Variants in RASAL2 observed in about 807,000 individuals in gnomAD.
RASAL2 encodes the protein ras GTPase-activating protein nGAP.
A neutral mutation model predicts 128.9 loss-of-function variants in RASAL2; 58 were observed. The observed-to-expected ratio is 0.45, with a 90% confidence interval of 0.36 to 0.56. The LOEUF is 0.56. Among genes scored for constraint, RASAL2 ranks in the 20% least tolerant of loss-of-function variants. RASAL2 has a pLI of 0.00. For missense variants in RASAL2, 1,360 were observed against 1,601.6 expected (o/e 0.85, Z 2.57); for synonymous variants, 561 against 580.8 (o/e 0.97, Z 0.49).
intron 1 of RASAL2, among the ~76,000 whole-genome samples, chr1:178,259,924 A>C (rs1044398310): frequency 2.0e-5 from 3 of 152,316 alleles, no homozygotes; most frequent in Non-Finnish European, 2.9e-5. Flanking sequence ...TTCAGAGTGT[A>C]GAGTACAGCC....
At position 178,172,713 on chromosome 1, in the gene RASAL2, G is replaced by A. The variant is rs935559560; in HGVS notation, c.202+78019G>A. On this transcript the variant is annotated intron_variant, in intron 1 of 17. Coordinates refer to ENST00000367649, the MANE Select transcript of RASAL2 (RefSeq NM_170692.4). ...GTAAACACTTAAGCATATACACTAG[G>A]AGACATAATGAGATAGTGAAGTCCT... is the stretch of plus-strand genomic sequence containing the variant. Among the ~76,000 whole-genome samples the A allele has an allele frequency of 2.2e-4, 34 of 152,116 alleles. No individual in the cohort carries two copies. The East Asian group carries it at 2.9e-3, about 13-fold the overall frequency.
chr1:178,218,742 G>A (rs77407986), intron 1 of RASAL2, among the ~76,000 whole-genome samples: 4,292 of 152,286 alleles, frequency 0.028, 79 homozygotes, highest in East Asian at 0.088. Flanking sequence ...TCCAGGCTTT[G>A]TTATTTTAAT....
intron 2 of RASAL2, among the ~76,000 whole-genome samples, chr1:178,288,642 CTTTTTTT>C (rs60150701): frequency 1.8e-4 from 18 of 97,306 alleles, no homozygotes; most frequent in Middle Eastern, 6.3e-3. Context: ...CTTTCTCTCT[CTTTTTTT>C]TTTTTTTTTT....
At chr1:178,445,469 G>C (rs1216237416) in intron 8 of RASAL2, 49 bp from the exon 9 acceptor site, 3 of 1,582,002 alleles carry the variant, frequency 1.9e-6, no homozygotes, top group Non-Finnish European at 2.6e-6. Flanking sequence ...CTTCTAATGT[G>C]TATTATTTAT....
At chr1:178,390,334 A>T in intron 4 of RASAL2, 128 bp downstream of exon 4, 1 of 656,490 alleles carries the variant, frequency 1.5e-6, no homozygotes, top group East Asian at 3.0e-5. Flanking sequence ...TTCTGTGATT[A>T]AAGGATAGAC....
chr1:178,379,984 C>T (rs183293618), intron 3 of RASAL2, among the ~76,000 whole-genome samples: 69 of 152,304 alleles, frequency 4.5e-4, no homozygotes, highest in African/African-American at 1.6e-3. Flanking sequence ...CCTTGCCTCC[C>T]AGCCTCAGCG....
At position 178,186,831 on chromosome 1, in the gene RASAL2, G is replaced by T. The variant is rs1336328230; in HGVS notation, c.202+92137G>T. Among the ~76,000 whole-genome samples the T allele has an allele frequency of 2.7e-5, 4 of 149,976 alleles. No individual in the cohort carries two copies. In the East Asian group the frequency reaches 7.8e-4, roughly 29 times the overall value. Reference sequence around the variant, plus strand: ...CTTTTTCTTTTTTCTTTCTTTTTTTGGGGGGTTGGGCAGGCAGGGTCTCTC... The same window carrying T: ...CTTTTTCTTTTTTCTTTCTTTTTTTTGGGGGTTGGGCAGGCAGGGTCTCTC... On this transcript the variant is annotated intron_variant, in intron 1 of 17. Transcript: ENST00000367649.
intron 1 of RASAL2, among the ~76,000 whole-genome samples, chr1:178,260,696 T>C (rs1557861883): frequency 6.6e-6 from 1 of 152,024 alleles, no homozygotes; most frequent in Non-Finnish European, 1.5e-5. Context: ...AAGAGTATTT[T>C]ATAAAGGACT....
At chr1:178,458,637 A>G in intron 14 of RASAL2, 93 bp downstream of exon 14, 1 of 1,466,018 alleles carries the variant, frequency 6.8e-7, no homozygotes, top group Non-Finnish European at 9.1e-7. Flanking sequence ...CCTATTGTTA[A>G]CAAGATTTCC....
intron 4 of RASAL2, among the ~76,000 whole-genome samples, chr1:178,399,554 T>G (rs191090413): frequency 1.3e-3 from 204 of 152,070 alleles, no homozygotes; most frequent in African/African-American, 4.7e-3. Flanking sequence ...CACTGCTGAG[T>G]CATAGTCTGG....
At chr1:178,319,981 G>A (rs1255531893) in intron 3 of RASAL2, among the ~76,000 whole-genome samples, 1 of 151,824 alleles carries the variant, frequency 6.6e-6, no homozygotes, top group Non-Finnish European at 1.5e-5. Flanking sequence ...CGGTGTGGAT[G>A]TCCTTTCTGT....
rs935700527 is a variant in RASAL2 at position 178,221,595 on chromosome 1, A to G, written c.203-61969A>G. On this transcript the variant is annotated intron_variant, in intron 1 of 17. Transcript: ENST00000367649. ...AGCTGTCTTTGTGTTATTGATTTCTAGTTTAATTCTGGTGTAGTCTGAGAG... is the reference window on the plus strand; with the variant it reads ...AGCTGTCTTTGTGTTATTGATTTCTGGTTTAATTCTGGTGTAGTCTGAGAG... Among the ~76,000 whole-genome samples the G allele has an allele frequency of 7.9e-5, 12 of 152,098 alleles. No individual in the cohort carries two copies. In the South Asian group the frequency reaches 2.3e-3, roughly 29 times the overall value.
At chr1:178,218,241 G>C (rs1440043022) in intron 1 of RASAL2, among the ~76,000 whole-genome samples, 1 of 152,184 alleles carries the variant, frequency 6.6e-6, no homozygotes, top group Non-Finnish European at 1.5e-5. Context: ...TGATATTATG[G>C]ATGTCATGTT....
At chr1:178,293,408 G>A (rs77808024) in intron 2 of RASAL2, among the ~76,000 whole-genome samples, 3,249 of 152,292 alleles carry the variant, frequency 0.021, 102 homozygotes, top group African/African-American at 0.07. Flanking sequence ...TCTGTAGGAC[G>A]TATTGGAAGA....
At chr1:178,326,744 A>C (rs1420207303) in intron 3 of RASAL2, among the ~76,000 whole-genome samples, 2 of 152,004 alleles carry the variant, frequency 1.3e-5, no homozygotes, top group African/African-American at 2.4e-5. Flanking sequence ...GGGTTTCTCC[A>C]TGTTGGTCAG....
intron 1 of RASAL2, among the ~76,000 whole-genome samples, chr1:178,264,751 T>A (rs1312153138): frequency 6.6e-6 from 1 of 152,170 alleles, no homozygotes; most frequent in Non-Finnish European, 1.5e-5. Flanking sequence ...ACCCCACTGT[T>A]TAGAGTTTTA....
At chr1:178,164,506 C>CGTGT (rs3040802) in intron 1 of RASAL2, among the ~76,000 whole-genome samples, 11 of 89,398 alleles carry the variant, frequency 1.2e-4, no homozygotes, top group Non-Finnish European at 1.6e-4. Context: ...TGTGTGTGTG[C>CGTGT]GTGTGTGTGT....
At chr1:178,237,023 G>A (rs569645080) in intron 1 of RASAL2, among the ~76,000 whole-genome samples, 24 of 152,014 alleles carry the variant, frequency 1.6e-4, no homozygotes, top group Admixed American at 3.9e-4. Flanking sequence ...CTCAGCCTCC[G>A]AAAATGCTGG....
At chr1:178,411,136 G>A (rs1201178011) in intron 4 of RASAL2, among the ~76,000 whole-genome samples, 5 of 142,738 alleles carry the variant, frequency 3.5e-5, no homozygotes, top group Admixed American at 7.2e-5. Context: ...ACTAATGAGT[G>A]AATAAAGAAA....
Sources: allele counts gnomAD v4.1 joint callset (sites outside exome capture counted in the v4.1 genomes callset), GRCh38; gene constraint gnomAD v4.1.1; transcripts MANE v1.5; gene names NCBI Gene and HGNC (gene_info 2026-07-23, HGNC 2026-07-21).